LHFPL6: variants seen among roughly 807,000 people sequenced by gnomAD.
The protein encoded by LHFPL6 is LHFPL tetraspan subfamily member 6 protein.
LHFPL6 carries 9 observed loss-of-function variants against 20.6 expected under a neutral mutation model. That is an observed-to-expected ratio of 0.44 (90% confidence interval 0.26 to 0.76). The LOEUF (loss-of-function observed/expected upper bound fraction) is 0.76, where lower values mean the gene tolerates loss of function less well. Among genes scored for constraint, LHFPL6 ranks in the 30% least tolerant of loss-of-function variants. LHFPL6 has a pLI of 0.20. For missense variants in LHFPL6, 218 were observed against 253.5 expected, an observed-to-expected ratio of 0.86 and a Z score of 0.95; for synonymous variants, 105 against 98.7, an observed-to-expected ratio of 1.06 and a Z score of -0.38.
At chr13:39,374,682 T>C (rs1380297316) in intron 3 of LHFPL6, among the ~76,000 whole-genome samples, 4 of 152,212 alleles carry the variant, frequency 2.6e-5, no homozygotes, top group Admixed American at 6.5e-5. Context: ...CTGGCTTAGA[T>C]GCAACAACTA....
chr13:39,377,931 C>T (rs1870334942), intron 3 of LHFPL6, among the ~76,000 whole-genome samples: 1 of 152,208 alleles, frequency 6.6e-6, no homozygotes, highest in Non-Finnish European at 1.5e-5. Context: ...CTGCAAAGTG[C>T]TTCCATCTAA....
intron 2 of LHFPL6, among the ~76,000 whole-genome samples, chr13:39,546,004 A>G (rs1593357565): frequency 6.6e-6 from 1 of 152,002 alleles, no homozygotes; most frequent in South Asian, 2.1e-4. Flanking sequence ...TTTTCTATCC[A>G]AGATTGTTTG....
At chr13:39,348,009 TG>T (rs1189377539) in intron 3 of LHFPL6, among the ~76,000 whole-genome samples, 1 of 152,232 alleles carries the variant, frequency 6.6e-6, no homozygotes, top group Non-Finnish European at 1.5e-5. Context: ...TTGAAAACAG[TG>T]TATGTGACAG....
chr13:39,426,090 C>T (rs373714352), intron 2 of LHFPL6, among the ~76,000 whole-genome samples: 25 of 152,258 alleles, frequency 1.6e-4, no homozygotes, highest in African/African-American at 6.0e-4. Flanking sequence ...ATTACGTGAC[C>T]ATTACCACTA....
intron 2 of LHFPL6, among the ~76,000 whole-genome samples, chr13:39,457,601 A>G (rs1310740509): frequency 1.3e-5 from 2 of 152,216 alleles, no homozygotes; most frequent in Non-Finnish European, 2.9e-5. Context: ...TACATTTACC[A>G]TATGACTCTG....
intron 3 of LHFPL6, among the ~76,000 whole-genome samples, chr13:39,366,758 T>C (rs1870023668): frequency 6.6e-6 from 1 of 152,202 alleles, no homozygotes; most frequent in Admixed American, 6.5e-5. Context: ...TCACAGGGGC[T>C]GATGTGAAAC....
At chr13:39,444,122 A>G (rs1286323378) in intron 2 of LHFPL6, among the ~76,000 whole-genome samples, 3 of 152,202 alleles carry the variant, frequency 2.0e-5, no homozygotes, top group Admixed American at 2.0e-4. Flanking sequence ...ATGTCCTAGA[A>G]CTTTGTGGAA....
At chr13:39,572,589 C>T (rs762424042) in intron 2 of LHFPL6, among the ~76,000 whole-genome samples, 5 of 152,154 alleles carry the variant, frequency 3.3e-5, no homozygotes, top group Admixed American at 6.6e-5. Flanking sequence ...CAATTTTCTA[C>T]GCAAAGTAGG....
At chr13:39,558,620 T>C (rs1013293443) in intron 2 of LHFPL6, among the ~76,000 whole-genome samples, 3 of 152,200 alleles carry the variant, frequency 2.0e-5, no homozygotes, top group Admixed American at 6.5e-5. Context: ...ACTACAAATA[T>C]ATTCATTAAA....
intron 3 of LHFPL6, among the ~76,000 whole-genome samples, chr13:39,367,940 G>A (rs1247381412): frequency 6.6e-6 from 1 of 152,194 alleles, no homozygotes; most frequent in Non-Finnish European, 1.5e-5. Context: ...TATCAATTAA[G>A]TATTAATAAC....
intron 2 of LHFPL6, among the ~76,000 whole-genome samples, chr13:39,414,377 C>A (rs1871299917): frequency 6.6e-6 from 1 of 152,220 alleles, no homozygotes; most frequent in Non-Finnish European, 1.5e-5. Flanking sequence ...CCATCTTCCT[C>A]TTTCCAGTAT....
intron 2 of LHFPL6, among the ~76,000 whole-genome samples, chr13:39,533,407 A>G (rs1870523666): frequency 8.2e-6 from 1 of 122,596 alleles, no homozygotes; most frequent in Non-Finnish European, 1.9e-5. Flanking sequence ...CATCACATGC[A>G]TGTCTGAATA....
chr13:39,530,334 C>A (rs1283000181), intron 2 of LHFPL6, among the ~76,000 whole-genome samples: 1 of 151,630 alleles, frequency 6.6e-6, no homozygotes, highest in Non-Finnish European at 1.5e-5. Flanking sequence ...GATCCCATTC[C>A]ATGAACTGAA....
chr13:39,529,552 T>G (rs1870398347), intron 2 of LHFPL6, among the ~76,000 whole-genome samples: 2 of 152,242 alleles, frequency 1.3e-5, no homozygotes, highest in African/African-American at 4.8e-5. Flanking sequence ...ACTTAGTGTG[T>G]AAGACACTGT....
At chr13:39,565,690 G>A (rs1405024863) in intron 2 of LHFPL6, among the ~76,000 whole-genome samples, 1 of 152,212 alleles carries the variant, frequency 6.6e-6, no homozygotes, top group Admixed American at 6.5e-5. Flanking sequence ...GTAAATTCCT[G>A]GCAGAGTCAC....
chr13:39,423,433 T>TA (rs61646548), intron 2 of LHFPL6, among the ~76,000 whole-genome samples: 1 of 151,980 alleles, frequency 6.6e-6, no homozygotes, highest in Non-Finnish European at 1.5e-5. Context: ...TTTTTTTTTT[T>TA]ATTTTTTGAG....
intron 2 of LHFPL6, among the ~76,000 whole-genome samples, chr13:39,592,583 A>G (rs1003031410): frequency 6.6e-6 from 1 of 152,182 alleles, no homozygotes; most frequent in Non-Finnish European, 1.5e-5. Context: ...AACTATTCCA[A>G]TCAATAGAAA....
intron 3 of LHFPL6, among the ~76,000 whole-genome samples, chr13:39,361,581 G>A (rs1241772465): frequency 6.6e-6 from 1 of 152,146 alleles, no homozygotes; most frequent in Non-Finnish European, 1.5e-5. Flanking sequence ...CTCCCAAAGT[G>A]TTGGGATTAC....
chr13:39,435,454 C>A (rs575197222), intron 2 of LHFPL6, among the ~76,000 whole-genome samples: 1 of 152,172 alleles, frequency 6.6e-6, no homozygotes, highest in African/African-American at 2.4e-5. Context: ...TAGATGAGGT[C>A]ATTAGTGGTA....
Sources: allele counts gnomAD v4.1 joint callset (sites outside exome capture counted in the v4.1 genomes callset), GRCh38; gene constraint gnomAD v4.1.1; transcripts MANE v1.5; gene names NCBI Gene and HGNC (gene_info 2026-07-23, HGNC 2026-07-21).